PNMA8C: variants seen among roughly 807,000 people sequenced by gnomAD.
PNMA8C encodes the protein paraneoplastic antigen-like protein 8C.
chr19:46,426,794 C>T lies in PNMA8C; in HGVS notation c.*951G>A, dbSNP rs1188011618. ...CATTTTCTGCAAAGGGCGCAGGCGC[C>T]TGGGGTCAGCCTGTGGTCTCCATAG... is the stretch of plus-strand genomic sequence containing the variant. On this transcript the variant is annotated 3_prime_UTR_variant, in exon 1 of 1. Transcript: ENST00000617053. 6.6e-6 allele frequency: 1 copy of T among 152,288 alleles called. No individual in the cohort carries two copies. Among genetic ancestry groups the T allele is most frequent in the Non-Finnish European group, 1.5e-5 (1 of 68,084 alleles). 9.4% of individuals were successfully genotyped at this position (152,288 alleles called of 1,614,324 possible). A position where few individuals can be genotyped will look rare whatever the true frequency, so the allele number is the denominator to read the frequency against.
Position 46,424,750 on chromosome 19 carries a change from C to T in PNMA8C, c.*2995G>A, listed in dbSNP as rs1969407444. On this transcript the variant is annotated 3_prime_UTR_variant, in exon 1 of 1. Coordinates refer to ENST00000617053, the MANE Select transcript of PNMA8C (RefSeq NM_001386793.1). ...TTCATATTTGTACAAAAGAGCATCT[C>T]AATCACAAAGAACAATGAAGAGTTT... is the stretch of plus-strand genomic sequence containing the variant. 1 of 152,180 alleles carries T rather than the reference C, an allele frequency of 6.6e-6. No homozygotes were observed. Among genetic ancestry groups the T allele is most frequent in the Admixed American group, 6.5e-5 (1 of 15,268 alleles). 9.4% of individuals were successfully genotyped at this position (152,180 alleles called of 1,614,324 possible).
chr19:46,427,462 C>T lies in PNMA8C; in HGVS notation c.*283G>A. ...ATCTGTAAGATGAATAAATGAGCCACGGGCACCCAGACGTTAACCACACCC... is the reference window on the plus strand; with the variant it reads ...ATCTGTAAGATGAATAAATGAGCCATGGGCACCCAGACGTTAACCACACCC... On this transcript the variant is annotated 3_prime_UTR_variant, in exon 1 of 1. Transcript: ENST00000617053. 1 of 292,094 alleles carries T rather than the reference C, an allele frequency of 3.4e-6. No individual in the cohort carries two copies. The highest frequency in any genetic ancestry group is 6.3e-6 in the Non-Finnish European group (1 of 158,764). The allele number at this position is 292,094 out of a possible 1,614,324, so 18.1% of individuals were successfully genotyped here. A position where few individuals can be genotyped will look rare whatever the true frequency, so the allele number is the denominator to read the frequency against.
Position 46,427,319 on chromosome 19 carries a change from T to G in PNMA8C, c.*426A>C, listed in dbSNP as rs971997688. The G allele has an allele frequency of 6.4e-6, 1 of 155,760 alleles. No homozygotes were observed. Among genetic ancestry groups the G allele is most frequent in the African/African-American group, 2.4e-5 (1 of 41,604 alleles). 9.6% of individuals were successfully genotyped at this position (155,760 alleles called of 1,614,324 possible). A position where few individuals can be genotyped will look rare whatever the true frequency, so the allele number is the denominator to read the frequency against. Reference sequence around the variant, plus strand: ...AATGCTACCTACGCTCACTCTGATGTCTCCAAGTAATTCAAATATTACCCA... The same window carrying G: ...AATGCTACCTACGCTCACTCTGATGGCTCCAAGTAATTCAAATATTACCCA... On this transcript the variant is annotated 3_prime_UTR_variant, in exon 1 of 1. Coordinates refer to ENST00000617053, the MANE Select transcript of PNMA8C (RefSeq NM_001386793.1).
rs1470107406 is a variant in PNMA8C at position 46,426,096 on chromosome 19, T to G, written c.*1649A>C. On this transcript the variant is annotated 3_prime_UTR_variant, in exon 1 of 1. Coordinates refer to ENST00000617053, the MANE Select transcript of PNMA8C (RefSeq NM_001386793.1). ...GGATTTTACCTGATTTTTAAAATTC[T>G]TCTTCACCTCAGTGTTAACGTCGTT... is the stretch of plus-strand genomic sequence containing the variant. 6.6e-6 allele frequency: 1 copy of G among 152,244 alleles called. No homozygotes were observed. Among genetic ancestry groups the G allele is most frequent in the East Asian group, 1.9e-4 (1 of 5,206 alleles). The allele number at this position is 152,244 out of a possible 1,614,324, so 9.4% of individuals were successfully genotyped here.
chr19:46,427,535 C>T lies in PNMA8C; in HGVS notation c.*210G>A, dbSNP rs1969429104. On this transcript the variant is annotated 3_prime_UTR_variant, in exon 1 of 1. Coordinates refer to ENST00000617053, the MANE Select transcript of PNMA8C (RefSeq NM_001386793.1). ...AGTTAACTCAGATAAAGATATCCACCTCTTTCGCACTAGTCAGATGTTACC... is the reference window on the plus strand; with the variant it reads ...AGTTAACTCAGATAAAGATATCCACTTCTTTCGCACTAGTCAGATGTTACC... 4 of 386,494 alleles carry T rather than the reference C, an allele frequency of 1.0e-5. No homozygotes were observed. Among genetic ancestry groups the T allele is most frequent in the South Asian group, 2.9e-4 (2 of 6,904 alleles). The allele number at this position is 386,494 out of a possible 1,614,324, so 23.9% of individuals were successfully genotyped here. A position where few individuals can be genotyped will look rare whatever the true frequency, so the allele number is the denominator to read the frequency against.
rs145378336 is a variant in PNMA8C at position 46,428,135 on chromosome 19, C to T, written c.225G>A (p.Thr75=). ...DKSKAAIIQL[T]EDINYAVVPR... The stretch of plus-strand genomic sequence containing the variant: ...GGACCACGGCGTAATTGATGTCCTC[C>T]GTCAGCTGAATGATGGCCGCCTTGG... The change falls in exon 1 of 1, where the codon ACG becomes ACA. Residue 75 remains threonine (T), a synonymous_variant. Transcript: ENST00000617053. The T allele has an allele frequency of 2.1e-3, 845 of 398,688 alleles. 4 individuals carry two copies. Among genetic ancestry groups the T allele is most frequent in the African/African-American group, 0.013 (649 of 48,748 alleles). The allele number at this position is 398,688 out of a possible 1,614,324, so 24.7% of individuals were successfully genotyped here. A position where few individuals can be genotyped will look rare whatever the true frequency, so the allele number is the denominator to read the frequency against.
At position 46,427,916 on chromosome 19, in the gene PNMA8C, G is replaced by A. The variant is rs1969431961; in HGVS notation, c.444C>T (p.Cys148=). ...TGPRELPARK[C]SVPGLGEKPE... is the part of the protein sequence containing the mutation. ...GTTTCTCCCCCAGCCCAGGCACAGA[G>A]CACTTTCTTGCAGGCAGCTCTCTGG... Residue 148 remains cysteine (C), a synonymous_variant, in exon 1 of 1, where the codon TGC becomes TGT. Coordinates refer to ENST00000617053, the MANE Select transcript of PNMA8C (RefSeq NM_001386793.1). 2.5e-6 allele frequency: 1 copy of A among 398,716 alleles called. No individual in the cohort carries two copies. The highest frequency in any genetic ancestry group is 4.4e-5 in the Admixed American group (1 of 22,724). 24.7% of individuals were successfully genotyped at this position (398,716 alleles called of 1,614,324 possible). A position where few individuals can be genotyped will look rare whatever the true frequency, so the allele number is the denominator to read the frequency against.
Position 46,428,400 on chromosome 19 carries a change from A to T in PNMA8C, c.-41T>A. Reference sequence around the variant, plus strand: ...GAGGCAGCAGTATGCCCGCTGGTGGACACCTGAGCTGCCTCGGGAATCCAC... The same window carrying T: ...GAGGCAGCAGTATGCCCGCTGGTGGTCACCTGAGCTGCCTCGGGAATCCAC... On this transcript the variant is annotated 5_prime_UTR_variant, in exon 1 of 1. Coordinates refer to ENST00000617053, the MANE Select transcript of PNMA8C (RefSeq NM_001386793.1). 2.5e-6 allele frequency: 1 copy of T among 398,538 alleles called. No individual in the cohort carries two copies. Among genetic ancestry groups the T allele is most frequent in the Non-Finnish European group, 4.4e-6 (1 of 226,122 alleles). 24.7% of individuals were successfully genotyped at this position (398,538 alleles called of 1,614,324 possible). A position where few individuals can be genotyped will look rare whatever the true frequency, so the allele number is the denominator to read the frequency against.
In PNMA8C at chr19:46,424,740, A is replaced by G. The variant is rs1306693813; in HGVS notation, c.*3005T>C. 6.6e-6 allele frequency: 1 copy of G among 152,206 alleles called. No homozygotes were observed. Among genetic ancestry groups the G allele is most frequent in the Non-Finnish European group, 1.5e-5 (1 of 68,032 alleles). The allele number at this position is 152,206 out of a possible 1,614,324, so 9.4% of individuals were successfully genotyped here. Reference sequence around the variant, plus strand: ...ATTTTATGAGTTCATATTTGTACAAAAGAGCATCTCAATCACAAAGAACAA... The same window carrying G: ...ATTTTATGAGTTCATATTTGTACAAGAGAGCATCTCAATCACAAAGAACAA... On this transcript the variant is annotated 3_prime_UTR_variant, in exon 1 of 1. Coordinates refer to ENST00000617053, the MANE Select transcript of PNMA8C (RefSeq NM_001386793.1).
rs1452579061 is a variant in PNMA8C, at chr19:46,427,038, C to CACCCACACACTCTAATGCT, written c.*688_*706dup. 6.6e-6 allele frequency: 1 copy of CACCCACACACTCTAATGCT among 152,212 alleles called. No individual in the cohort carries two copies. Among genetic ancestry groups the CACCCACACACTCTAATGCT allele is most frequent in the Non-Finnish European group, 1.5e-5 (1 of 68,066 alleles). The allele number at this position is 152,212 out of a possible 1,614,324, so 9.4% of individuals were successfully genotyped here. A position where few individuals can be genotyped will look rare whatever the true frequency, so the allele number is the denominator to read the frequency against. ...ACTACTTTCAATTATACGCGGATGC[C>CACCCACACACTCTAATGCT]ACCCACACACTCTAATGCTACCCAC... On this transcript the variant is annotated 3_prime_UTR_variant, in exon 1 of 1. Transcript: ENST00000617053.
At position 46,427,334 on chromosome 19, in the gene PNMA8C, A is replaced by G. The variant is rs1969427552; in HGVS notation, c.*411T>C. On this transcript the variant is annotated 3_prime_UTR_variant, in exon 1 of 1. Coordinates refer to ENST00000617053, the MANE Select transcript of PNMA8C (RefSeq NM_001386793.1). ...CACTCTGATGTCTCCAAGTAATTCA[A>G]ATATTACCCACTTACTCTGAGTGCC... The G allele has an allele frequency of 6.3e-6, 1 of 157,958 alleles. No individual in the cohort carries two copies. The highest frequency in any genetic ancestry group is 2.4e-5 in the African/African-American group (1 of 41,684). The allele number at this position is 157,958 out of a possible 1,614,324, so 9.8% of individuals were successfully genotyped here.
Position 46,427,226 on chromosome 19 carries a change from A to C in PNMA8C, c.*519T>G, listed in dbSNP as rs930527883. ...GAAATTTTGTTGGTTGCATGGATAC[A>C]TGGATGAATGAGCAATCCACACTCA... On this transcript the variant is annotated 3_prime_UTR_variant, in exon 1 of 1. Coordinates refer to ENST00000617053, the MANE Select transcript of PNMA8C (RefSeq NM_001386793.1). The C allele has an allele frequency of 1.0e-4, 16 of 152,488 alleles. No individual in the cohort carries two copies. Among genetic ancestry groups the C allele is most frequent in the African/African-American group, 3.6e-4 (15 of 41,586 alleles). The allele number at this position is 152,488 out of a possible 1,614,324, so 9.4% of individuals were successfully genotyped here. A position where few individuals can be genotyped will look rare whatever the true frequency, so the allele number is the denominator to read the frequency against.
chr19:46,425,464 T>G lies in PNMA8C; in HGVS notation c.*2281A>C, dbSNP rs1969413008. 1 of 145,622 alleles carries G rather than the reference T, an allele frequency of 6.9e-6. No individual in the cohort carries two copies. Among genetic ancestry groups the G allele is most frequent in the Non-Finnish European group, 1.5e-5 (1 of 68,124 alleles). 9.0% of individuals were successfully genotyped at this position (145,622 alleles called of 1,614,324 possible). Reference sequence around the variant, plus strand: ...TTAGCTGGGCGTGGTGGTGCGCACCTGTAGTCCCAGATACTCAGGAGGCTG... The same window carrying G: ...TTAGCTGGGCGTGGTGGTGCGCACCGGTAGTCCCAGATACTCAGGAGGCTG... On this transcript the variant is annotated 3_prime_UTR_variant, in exon 1 of 1. Transcript: ENST00000617053.
At position 46,428,257 on chromosome 19, in the gene PNMA8C, A is replaced by C. The variant is rs1969434918; in HGVS notation, c.103T>G (p.Cys35Gly). The C allele has an allele frequency of 2.5e-6, 1 of 398,670 alleles. No individual in the cohort carries two copies. Among genetic ancestry groups the C allele is most frequent in the Non-Finnish European group, 4.4e-6 (1 of 226,104 alleles). 24.7% of individuals were successfully genotyped at this position (398,670 alleles called of 1,614,324 possible). Residue 35 changes from cysteine (C) to glycine (G), a missense_variant, in exon 1 of 1, where the codon TGC (cysteine) becomes GGC (glycine). Transcript: ENST00000617053. The stretch of plus-strand genomic sequence containing the variant: ...ATCTCTTCGAATTCCTCGTGGTTGC[A>C]GTCCTCCGGGATCCCCAGGATCATC... ...SLMILGIPED[C>G]NHEEFEEIIR...
chr19:46,427,710 T>A lies in PNMA8C; in HGVS notation c.*35A>T. On this transcript the variant is annotated 3_prime_UTR_variant, in exon 1 of 1. Transcript: ENST00000617053. ...TCCCACAGTCATCACCCACACCCCC[T>A]CAGACACTCCCCACGCCCACCCGAT... The A allele has an allele frequency of 2.6e-6, 1 of 388,162 alleles. No homozygotes were observed. Among genetic ancestry groups the A allele is most frequent in the Non-Finnish European group, 4.6e-6 (1 of 219,714 alleles). The allele number at this position is 388,162 out of a possible 1,614,324, so 24.0% of individuals were successfully genotyped here.
At position 46,427,900 on chromosome 19, in the gene PNMA8C, C is replaced by T. The variant is rs410029; in HGVS notation, c.460G>A (p.Gly154Arg). 33,060 of 398,616 alleles carry T rather than the reference C, an allele frequency of 0.083. 1,658 individuals are homozygous for T. Among genetic ancestry groups the T allele is most frequent in the African/African-American group, 0.17 (8,338 of 48,694 alleles). 24.7% of individuals were successfully genotyped at this position (398,616 alleles called of 1,614,324 possible). A position where few individuals can be genotyped will look rare whatever the true frequency, so the allele number is the denominator to read the frequency against. ...GTGGCCCCAGCCTCCGGTTTCTCCCCCAGCCCAGGCACAGAGCACTTTCTT... is the reference window on the plus strand; with the variant it reads ...GTGGCCCCAGCCTCCGGTTTCTCCCTCAGCCCAGGCACAGAGCACTTTCTT... ...PARKCSVPGL[G>R]EKPEAGATVQ... is the part of the protein sequence containing the mutation. Residue 154 changes from glycine (G) to arginine (R), a missense_variant, in exon 1 of 1, where the codon GGG becomes AGG. Gly to Arg is a moderately radical substitution (Grantham distance 125). Coordinates refer to ENST00000617053, the MANE Select transcript of PNMA8C (RefSeq NM_001386793.1).
rs1252903986 is a variant in PNMA8C, at chr19:46,426,116, G to A, written c.*1629C>T. 2 of 152,136 alleles carry A rather than the reference G, an allele frequency of 1.3e-5. No homozygotes were observed. The highest frequency in any genetic ancestry group is 1.3e-4 in the Admixed American group (2 of 15,262). The allele number at this position is 152,136 out of a possible 1,614,324, so 9.4% of individuals were successfully genotyped here. ...AATTCTTCTTCACCTCAGTGTTAAC[G>A]TCGTTCATTGGTAACTCTTGAAAAT... On this transcript the variant is annotated 3_prime_UTR_variant, in exon 1 of 1. Transcript: ENST00000617053.
At position 46,426,268 on chromosome 19, in the gene PNMA8C, C is replaced by T. The variant is rs12052158; in HGVS notation, c.*1477G>A. ...AATTTAACTTGGGGAGACTCACACC[C>T]TCACCCCAGGCGCCAATCGGGGCAG... On this transcript the variant is annotated 3_prime_UTR_variant, in exon 1 of 1. Coordinates refer to ENST00000617053, the MANE Select transcript of PNMA8C (RefSeq NM_001386793.1). 0.4 allele frequency: 60,874 copies of T among 151,818 alleles called. 12,842 individuals carry two copies. The highest frequency in any genetic ancestry group is 0.53 in the African/African-American group (21,960 of 41,378). The allele number at this position is 151,818 out of a possible 1,614,324, so 9.4% of individuals were successfully genotyped here.
chr19:46,427,822 C>T lies in PNMA8C; in HGVS notation c.538G>A (p.Ala180Thr), dbSNP rs1286597063. The T allele has an allele frequency of 5.0e-6, 2 of 398,530 alleles. No individual in the cohort carries two copies. The highest frequency in any genetic ancestry group is 8.8e-6 in the Non-Finnish European group (2 of 226,110). The allele number at this position is 398,530 out of a possible 1,614,324, so 24.7% of individuals were successfully genotyped here. The change falls in exon 1 of 1, where the codon GCT becomes ACT. Residue 180 changes from alanine (A) to threonine (T), a missense_variant. By Grantham distance (58) the Ala-to-Thr change is moderately conservative (BLOSUM62 0). Transcript: ENST00000617053. ...PLDSSEKESK[A>T]GVGKRGKRKN... is the part of the protein sequence containing the mutation. Reference sequence around the variant, plus strand: ...CTTTTGCCCCTCTTGCCAACTCCAGCCTTGCTCTCCTTCTCGGAGGAGTCC... The same window carrying T: ...CTTTTGCCCCTCTTGCCAACTCCAGTCTTGCTCTCCTTCTCGGAGGAGTCC...
Sources: allele counts gnomAD v4.1 joint callset, GRCh38; gene constraint gnomAD v4.1.1; transcripts MANE v1.5; gene names NCBI Gene and HGNC (gene_info 2026-07-23, HGNC 2026-07-21).